The following NECTIN2 variants were observed in gnomAD, a reference collection of about 807,000 sequenced individuals.
NECTIN2 encodes nectin-2.
In NECTIN2, 23 loss-of-function variants were observed where a neutral mutation model predicts 56.9. The observed-to-expected ratio is 0.40, with a 90% CI of 0.29 to 0.57. The LOEUF is 0.57. NECTIN2 is among the 20% of genes least tolerant of loss of function. The pLI is 0.38. For synonymous variants in NECTIN2, 302 were observed against 313.8 expected (o/e 0.96, Z 0.40); for missense variants, 587 against 718.3 (o/e 0.82, Z 2.09).
intron 1 of NECTIN2, among the ~76,000 whole-genome samples, chr19:44,847,025 C>G (rs945366761): frequency 6.6e-6 from 1 of 152,142 alleles, no homozygotes; most frequent in Admixed American, 6.6e-5. Context: ...AATGTTCCCC[C>G]CACCTACCGC....
At position 44,875,410 on chromosome 19, in the gene NECTIN2, C is replaced by T. The variant is rs760349009; in HGVS notation, c.1042+932C>T. On this transcript the variant is annotated intron_variant, in intron 5 of 8. Coordinates refer to ENST00000252483, the MANE Select transcript of NECTIN2 (RefSeq NM_001042724.2). This position sits in a 1 kb window ranked among gnomAD's most constrained non-coding sequence, Gnocchi z 4.2. ...CCTCCTGAGTAGCTGGGACTATATGCGCTCACCACCAAACCCGGCTAAGTT... is the reference window on the plus strand; with the variant it reads ...CCTCCTGAGTAGCTGGGACTATATGTGCTCACCACCAAACCCGGCTAAGTT... Among the ~76,000 whole-genome samples the T allele has an allele frequency of 6.6e-6, 1 of 152,024 alleles. No homozygotes were observed. Among genetic ancestry groups the T allele is most frequent in the East Asian group, 1.9e-4 (1 of 5,190 alleles).
At chr19:44,851,006 C>T (rs1443882628) in intron 1 of NECTIN2, among the ~76,000 whole-genome samples, 12 of 152,082 alleles carry the variant, frequency 7.9e-5, no homozygotes, top group Non-Finnish European at 1.6e-4. Flanking sequence ...CTCCCCTAGA[C>T]CCAGGTGTCC....
intron 2 of NECTIN2, among the ~76,000 whole-genome samples, chr19:44,867,307 C>T (rs954403506): frequency 5.9e-5 from 9 of 152,170 alleles, no homozygotes; most frequent in African/African-American, 1.9e-4. Flanking sequence ...TAGGCATGAG[C>T]CACTGAGCCT....
Position 44,888,538 on chromosome 19 carries a change from C to T in NECTIN2, c.*159C>T. ...TGGTGGCTCCACTATGACCCCTAACCCATGAGCCCAGAGAAATTCACCGTG... is the reference window on the plus strand; with the variant it reads ...TGGTGGCTCCACTATGACCCCTAACTCATGAGCCCAGAGAAATTCACCGTG... On this transcript the variant is annotated 3_prime_UTR_variant, in exon 9 of 9. Transcript: ENST00000252483. The T allele has an allele frequency of 1.3e-6, 1 of 754,756 alleles. No homozygotes were observed. The highest frequency in any genetic ancestry group is 2.1e-6 in the Non-Finnish European group (1 of 472,112). 46.8% of individuals were successfully genotyped at this position (754,756 alleles called of 1,614,324 possible). A position where few individuals can be genotyped will look rare whatever the true frequency, so the allele number is the denominator to read the frequency against.
At chr19:44,866,319 C>T (rs1006956458) in intron 2 of NECTIN2, among the ~76,000 whole-genome samples, 5 of 151,888 alleles carry the variant, frequency 3.3e-5, no homozygotes, top group African/African-American at 1.2e-4. Context: ...GTGGGAGGAT[C>T]GCTTGAGACC....
chr19:44,886,174 A>G lies in NECTIN2; in HGVS notation c.1302A>G (p.Pro434=). 1 of 1,612,938 alleles carries G rather than the reference A, an allele frequency of 6.2e-7. No individual in the cohort carries two copies. The highest frequency in any genetic ancestry group is 8.5e-7 in the Non-Finnish European group (1 of 1,179,892). Residue 434 remains proline, a synonymous_variant, in exon 8 of 9, where the codon CCA becomes CCG. Coordinates refer to ENST00000252483, the MANE Select transcript of NECTIN2 (RefSeq NM_001042724.2). ...LFTLGASEHS[P]LKTPYFDAGA... The stretch of plus-strand genomic sequence containing the variant: ...CTCTGGGGGCCTCGGAGCACAGCCC[A>G]CTCAAGACCCCCTACTTTGATGCTG...
In NECTIN2 at chr19:44,874,668, G is replaced by C. The variant is rs1969217115; in HGVS notation, c.1042+190G>C. On this transcript the variant is annotated intron_variant, in intron 5 of 8. Transcript: ENST00000252483. This position sits in a 1 kb window ranked among gnomAD's most constrained non-coding sequence, Gnocchi z 6.3. ...TCAGACTGGGGTCTGGATTTGGGGTGTCGGGGTAGGTGAAGGCAGCAGAGT... is the reference window on the plus strand; with the variant it reads ...TCAGACTGGGGTCTGGATTTGGGGTCTCGGGGTAGGTGAAGGCAGCAGAGT... The C allele has an allele frequency of 1.5e-6, 1 of 661,906 alleles. No homozygotes were observed. The highest frequency in any genetic ancestry group is 2.5e-6 in the Non-Finnish European group (1 of 393,480). 41.0% of individuals were successfully genotyped at this position (661,906 alleles called of 1,614,324 possible). A position where few individuals can be genotyped will look rare whatever the true frequency, so the allele number is the denominator to read the frequency against.
chr19:44,878,436 A>G, intron 5 of NECTIN2: 1 of 1,588,372 alleles, frequency 6.3e-7, no homozygotes, highest in East Asian at 2.3e-5. Context: ...GGAAATGGGG[A>G]CCCCGTCTTC....
At position 44,865,691 on chromosome 19, in the gene NECTIN2, G is replaced by A; in HGVS notation, c.478+31G>A. ...CAGGGTAAGGGCGGGAGGCAAGGAG[G>A]TGGGAGGGCCGCGGTGTGGGAGCAT... On this transcript the variant is annotated intron_variant, in intron 2 of 8. Coordinates refer to ENST00000252483, the MANE Select transcript of NECTIN2 (RefSeq NM_001042724.2). This position sits in a 1 kb window ranked among gnomAD's most constrained non-coding sequence, Gnocchi z 5.2. The A allele has an allele frequency of 1.3e-6, 2 of 1,484,116 alleles. No individual in the cohort carries two copies. The highest frequency in any genetic ancestry group is 1.3e-5 in the South Asian group (1 of 76,390). 91.9% of individuals were successfully genotyped at this position (1,484,116 alleles called of 1,614,324 possible).
At position 44,875,441 on chromosome 19, in the gene NECTIN2, T is replaced by A. The variant is rs765706075; in HGVS notation, c.1042+963T>A. Reference sequence around the variant, plus strand: ...CCACCAAACCCGGCTAAGTTTTGTATTTTTAGTAGAGACAGGGTTTCACCA... The same window carrying A: ...CCACCAAACCCGGCTAAGTTTTGTAATTTTAGTAGAGACAGGGTTTCACCA... On this transcript the variant is annotated intron_variant, in intron 5 of 8. Coordinates refer to ENST00000252483, the MANE Select transcript of NECTIN2 (RefSeq NM_001042724.2). This position sits in a 1 kb window ranked among gnomAD's most constrained non-coding sequence, Gnocchi z 4.2. 6.6e-6 allele frequency among the ~76,000 whole-genome samples: 1 copy of A among 152,146 alleles called. No homozygotes were observed. The highest frequency in any genetic ancestry group is 1.5e-5 in the Non-Finnish European group (1 of 68,028).
chr19:44,875,073 C>G lies in NECTIN2; in HGVS notation c.1042+595C>G, dbSNP rs1969221138. On this transcript the variant is annotated intron_variant, in intron 5 of 8. Transcript: ENST00000252483. This position sits in a 1 kb window ranked among gnomAD's most constrained non-coding sequence, Gnocchi z 4.2. ...GAGACCCCTCCTGTCAGAGCCACAG[C>G]TGGCAGGATCCACAGCCACAGACAC... is the stretch of plus-strand genomic sequence containing the variant. Among the ~76,000 whole-genome samples the G allele has an allele frequency of 6.6e-6, 1 of 152,152 alleles. No individual in the cohort carries two copies. The highest frequency in any genetic ancestry group is 1.5e-5 in the Non-Finnish European group (1 of 68,014).
Position 44,874,080 on chromosome 19 carries a change from G to A in NECTIN2, c.893+47G>A, listed in dbSNP as rs774221330. The A allele has an allele frequency of 7.5e-6, 11 of 1,472,414 alleles. No homozygotes were observed. The highest frequency in any genetic ancestry group is 1.0e-5 in the Non-Finnish European group (11 of 1,060,976). 91.2% of individuals were successfully genotyped at this position (1,472,414 alleles called of 1,614,324 possible). A position where few individuals can be genotyped will look rare whatever the true frequency, so the allele number is the denominator to read the frequency against. On this transcript the variant is annotated intron_variant, in intron 4 of 8. Coordinates refer to ENST00000252483, the MANE Select transcript of NECTIN2 (RefSeq NM_001042724.2). This position sits in a 1 kb window ranked among gnomAD's most constrained non-coding sequence, Gnocchi z 6.3. ...CCCTGGGTCTGAGGGAGGCGGGGCT[G>A]GGGGCCTGGACTCCTGGATCTAAGG...
rs374917269 is a variant in NECTIN2 at position 44,888,298 on chromosome 19, C to T, written c.1536C>T (p.Ile512=). 321 of 1,613,894 alleles carry T rather than the reference C, an allele frequency of 2.0e-4. No individual in the cohort carries two copies. Among genetic ancestry groups the T allele is most frequent in the Non-Finnish European group, 2.7e-4 (319 of 1,179,932 alleles). ...AGTATCTGGACAAGATCAACCCCAT[C>T]TATGATGCTCTGTCCTATAGCAGCC... ...EEEYLDKINP[I]YDALSYSSPS... The change falls in exon 9 of 9, where the codon ATC becomes ATT. Residue 512 remains isoleucine, a synonymous_variant. Transcript: ENST00000252483.
At position 44,888,156 on chromosome 19, in the gene NECTIN2, G is replaced by A; in HGVS notation, c.1394G>A (p.Gly465Glu). Residue 465 changes from glycine to glutamate, a missense_variant, in exon 9 of 9, where the codon GGA becomes GAA. Transcript: ENST00000252483. ...HELPTLEERS[G>E]PLHPGATSLG... is the part of the protein sequence containing the mutation. ...CTGCCCACCTTGGAAGAACGGTCAG[G>A]ACCCTTGCACCCTGGAGCCACAAGC... The A allele has an allele frequency of 1.2e-6, 2 of 1,614,112 alleles. No homozygotes were observed. Among genetic ancestry groups the A allele is most frequent in the Non-Finnish European group, 1.7e-6 (2 of 1,180,004 alleles).
In NECTIN2 at chr19:44,873,534, G is replaced by A. The variant is rs1041465111; in HGVS notation, c.776-382G>A. 2.6e-5 allele frequency among the ~76,000 whole-genome samples: 4 copies of A among 152,142 alleles called. No individual in the cohort carries two copies. The East Asian group carries it at 7.7e-4, about 29-fold the overall frequency. ...TGTAATCCCAGCCATTTGGGAGGCT[G>A]AGGCGGAGGGATGGCTTGAGCCCAG... On this transcript the variant is annotated intron_variant, in intron 3 of 8. Transcript: ENST00000252483.
At chr19:44,880,468 G>A (rs914349946) in intron 5 of NECTIN2, among the ~76,000 whole-genome samples, 1 of 122,450 alleles carries the variant, frequency 8.2e-6, no homozygotes, top group Non-Finnish European at 1.7e-5. Context: ...CCCTTTTCCT[G>A]TCTTGCCTTT....
intron 1 of NECTIN2, among the ~76,000 whole-genome samples, chr19:44,857,465 A>T (rs1055652645): frequency 1.3e-5 from 2 of 151,292 alleles, no homozygotes; most frequent in African/African-American, 2.4e-5. Context: ...GTAGTGGCAC[A>T]ATCTCTGCTC....
At chr19:44,860,621 A>G (rs1351231111) in intron 1 of NECTIN2, among the ~76,000 whole-genome samples, 9 of 151,662 alleles carry the variant, frequency 5.9e-5, no homozygotes, top group Non-Finnish European at 1.3e-4. Flanking sequence ...AAAATTATAT[A>G]TATATATTGT....
intron 2 of NECTIN2, among the ~76,000 whole-genome samples, chr19:44,870,007 G>A (rs914686176): frequency 6.6e-6 from 1 of 152,124 alleles, no homozygotes; most frequent in African/African-American, 2.4e-5. Context: ...ATACACACTG[G>A]TGCAGAAGTA....
Sources: gnomAD v4.1 joint callset for allele counts (sites outside exome capture counted in the v4.1 genomes callset) on GRCh38, gnomAD v4.1.1 for gene constraint, Gnocchi (gnomAD v3.1) non-coding constraint, MANE v1.5 for transcripts, NCBI Gene and HGNC (gene_info 2026-07-23, HGNC 2026-07-21) for gene names.